The following MAPK10 variants were observed in gnomAD, a reference collection of about 807,000 sequenced individuals.
MAPK10 encodes the protein mitogen-activated protein kinase 10, also known as JNK3 alpha protein kinase.
MAPK10 carries 25 observed loss-of-function variants against 59.3 expected under a neutral mutation model. That is an observed-to-expected ratio of 0.42 (90% confidence interval 0.31 to 0.59). The LOEUF (loss-of-function observed/expected upper bound fraction) is 0.59. Among genes scored for constraint, MAPK10 ranks in the 20% least tolerant of loss-of-function variants. The probability of loss-of-function intolerance (pLI) is 0.15; values close to 1 mark genes in which losing one functional copy is unlikely to be tolerated. For synonymous variants in MAPK10, 190 were observed against 200.5 expected (o/e 0.95, Z 0.44); for missense variants, 351 against 568.9 (o/e 0.62, Z 3.90).
chr4:86,144,095 T>G lies in MAPK10; in HGVS notation c.236+15203A>C, dbSNP rs566355999. Among the ~76,000 whole-genome samples the G allele has an allele frequency of 5.1e-4, 77 of 152,062 alleles. 1 individual carries two copies. Among genetic ancestry groups the G allele is most frequent in the African/African-American group, 1.9e-3 (77 of 41,498 alleles). ...AATTACTGGTATCTTTTTTGGGGGG[T>G]GTGTTTAAGGGGGTAATTTTGATTT... On this transcript the variant is annotated intron_variant, in intron 4 of 13. Coordinates refer to ENST00000641462, the MANE Select transcript of MAPK10 (RefSeq NM_138982.4).
chr4:86,179,981 A>C (rs531683476), intron 3 of MAPK10, among the ~76,000 whole-genome samples: 9 of 152,108 alleles, frequency 5.9e-5, no homozygotes, highest in Admixed American at 3.3e-4. Flanking sequence ...AACAAAAAAA[A>C]ATGGATTGTA....
intron 1 of MAPK10, among the ~76,000 whole-genome samples, chr4:86,434,867 A>G (rs867940305): frequency 9.2e-5 from 14 of 152,262 alleles, no homozygotes; most frequent in African/African-American, 3.4e-4. Context: ...AGCACTATTC[A>G]CAATAACCAA....
intron 1 of MAPK10, among the ~76,000 whole-genome samples, chr4:86,534,757 T>C (rs2149092719): frequency 6.6e-6 from 1 of 151,858 alleles, no homozygotes; most frequent in African/African-American, 2.4e-5. Context: ...AATACAAAAA[T>C]TAGCCAAGCG....
At position 86,262,156 on chromosome 4, in the gene MAPK10, T is replaced by G. The variant is rs543607828; in HGVS notation, c.-6-67749A>C. On this transcript the variant is annotated intron_variant, in intron 2 of 13. Transcript: ENST00000641462. ...GTTGAGAAGTGGGACTTTTGAGAGG[T>G]GGGACTTTTAAGAGGTGATTAGGTC... is the stretch of plus-strand genomic sequence containing the variant. 3.9e-5 allele frequency among the ~76,000 whole-genome samples: 6 copies of G among 152,288 alleles called. No individual in the cohort carries two copies. In the East Asian group the frequency reaches 1.2e-3, roughly 29 times the overall value.
intron 1 of MAPK10, among the ~76,000 whole-genome samples, chr4:86,483,386 T>G (rs1753750114): frequency 6.6e-6 from 1 of 151,636 alleles, no homozygotes. Flanking sequence ...CTTAGGAAAA[T>G]AATGAAAGCA....
At chr4:86,210,365 A>G (rs1031278198) in intron 2 of MAPK10, among the ~76,000 whole-genome samples, 2 of 152,010 alleles carry the variant, frequency 1.3e-5, no homozygotes, top group Admixed American at 6.6e-5. Context: ...ATATTTGCAA[A>G]CTATCTATGT....
At chr4:86,027,349 T>C (rs1433260948) in intron 13 of MAPK10, 2 of 152,190 alleles carry the variant, frequency 1.3e-5, no homozygotes, top group East Asian at 1.9e-4. Flanking sequence ...AGAGCCTAAG[T>C]TGCATATTTT....
At chr4:86,550,102 A>T (rs111690249) in intron 1 of MAPK10, among the ~76,000 whole-genome samples, 49 of 152,216 alleles carry the variant, frequency 3.2e-4, no homozygotes, top group African/African-American at 1.0e-3. Context: ...AATTTATACT[A>T]AGAGACATCT....
chr4:86,345,472 G>A (rs1044406816), intron 2 of MAPK10, among the ~76,000 whole-genome samples: 1 of 152,134 alleles, frequency 6.6e-6, no homozygotes, highest in Admixed American at 6.6e-5. Context: ...ACTTATGAGA[G>A]AAATCTTTTA....
At chr4:86,478,534 T>C (rs908195398) in intron 1 of MAPK10, among the ~76,000 whole-genome samples, 3 of 152,162 alleles carry the variant, frequency 2.0e-5, no homozygotes, top group Non-Finnish European at 2.9e-5. Flanking sequence ...CCAAACTCTA[T>C]TTTCTTCCTC....
At chr4:86,471,400 T>C (rs1422416382) in intron 1 of MAPK10, among the ~76,000 whole-genome samples, 1 of 152,118 alleles carries the variant, frequency 6.6e-6, no homozygotes, top group African/African-American at 2.4e-5. Context: ...AACTGATGTA[T>C]TCTTACAAAA....
chr4:86,084,008 C>T (rs1429127196), intron 9 of MAPK10, among the ~76,000 whole-genome samples: 1 of 152,120 alleles, frequency 6.6e-6, no homozygotes, highest in Non-Finnish European at 1.5e-5. Flanking sequence ...GGATTCATCA[C>T]CTGCTAACTG....
In MAPK10 at chr4:86,507,655, T is replaced by TATATACAC. The variant is rs59148309; in HGVS notation, c.-263+86254_-263+86255insGTGTATAT. On this transcript the variant is annotated intron_variant, in intron 1 of 4. Coordinates refer to the MAPK10 transcript ENST00000502302. ...ATATATATATATATATATATATATA[T>TATATACAC]ATATATATATATATATAAAATCATG... is the stretch of plus-strand genomic sequence containing the variant. 1.3e-3 allele frequency among the ~76,000 whole-genome samples: 93 copies of TATATACAC among 71,264 alleles called. 4 individuals are homozygous for TATATACAC. Among genetic ancestry groups the TATATACAC allele is most frequent in the Non-Finnish European group, 2.3e-3 (80 of 34,646 alleles). The allele number at this position is 71,264 out of a possible 152,430, so 46.8% of individuals were successfully genotyped here. A position where few individuals can be genotyped will look rare whatever the true frequency, so the allele number is the denominator to read the frequency against.
chr4:86,104,344 T>G (rs375055464), intron 5 of MAPK10, among the ~76,000 whole-genome samples: 2 of 152,150 alleles, frequency 1.3e-5, no homozygotes, highest in East Asian at 3.8e-4. Flanking sequence ...CAAGATCATC[T>G]CTTCTAAAGC....
At chr4:86,451,610 A>G (rs1475921360) in intron 1 of MAPK10, among the ~76,000 whole-genome samples, 1 of 152,180 alleles carries the variant, frequency 6.6e-6, no homozygotes, top group Non-Finnish European at 1.5e-5. Flanking sequence ...CCAGAAAGTG[A>G]AGGAGGCCAA....
At chr4:86,425,742 G>T (rs542548552) in intron 1 of MAPK10, among the ~76,000 whole-genome samples, 1 of 152,218 alleles carries the variant, frequency 6.6e-6, no homozygotes, top group Non-Finnish European at 1.5e-5. Context: ...GGAGGCCAAG[G>T]CAGGCGGATC....
At chr4:86,527,395 G>A (rs1389732529) in intron 1 of MAPK10, among the ~76,000 whole-genome samples, 1 of 128,872 alleles carries the variant, frequency 7.8e-6, no homozygotes, top group East Asian at 2.4e-4. Context: ...AAATGGCCAA[G>A]AAACATGAAA....
chr4:86,587,271 TTAG>T (rs1243003428), intron 1 of MAPK10, among the ~76,000 whole-genome samples: 1 of 152,218 alleles, frequency 6.6e-6, no homozygotes, highest in Non-Finnish European at 1.5e-5. Flanking sequence ...GTCCCAGTGT[TTAG>T]TTATCTCTGT....
intron 9 of MAPK10, chr4:86,090,860 T>C (rs923954245): frequency 6.6e-6 from 1 of 152,168 alleles, no homozygotes; most frequent in African/African-American, 2.4e-5. Context: ...AAATGGTTTC[T>C]GCCATTAACC....
Sources: gnomAD v4.1 joint callset for allele counts (sites outside exome capture counted in the v4.1 genomes callset) on GRCh38, gnomAD v4.1.1 for gene constraint, MANE v1.5 for transcripts, NCBI Gene and HGNC (gene_info 2026-07-23, HGNC 2026-07-21) for gene names.